BRWD3: variants seen among roughly 807,000 people sequenced by gnomAD.
The protein encoded by BRWD3 is bromodomain and WD repeat domain containing 3, also known as bromodomain and WD repeat-containing protein 3.
BRWD3 carries 10 observed loss-of-function variants against 149.7 expected under a neutral mutation model. The ratio of observed to expected loss-of-function variants is 0.07; its 90% CI spans 0.04 to 0.11. The LOEUF (loss-of-function observed/expected upper bound fraction) is 0.11, where lower values mean the gene tolerates loss of function less well. BRWD3 is among the 10% of genes least tolerant of loss of function. The probability of loss-of-function intolerance (pLI) is 1.00; values close to 1 mark genes in which losing one functional copy is unlikely to be tolerated. For synonymous variants in BRWD3, 504 were observed against 456.7 expected, an observed-to-expected ratio of 1.10 and a Z score of -1.32; for missense variants, 940 against 1,373.2, an observed-to-expected ratio of 0.68 and a Z score of 4.99.
chrX:80,714,250 G>A (rs1027841482), intron 20 of BRWD3, among the ~76,000 whole-genome samples: 5 of 83,197 alleles, frequency 6.0e-5, no homozygotes, highest in Admixed American at 6.0e-4. Context: ...TTTTTGAGAC[G>A]GAGTTTCACT....
chrX:80,693,714 C>CA (rs2072642931), intron 27 of BRWD3, among the ~76,000 whole-genome samples: 1 of 111,774 alleles, frequency 8.9e-6, no homozygotes, highest in South Asian at 3.7e-4. Context: ...TGGCAGAAGA[C>CA]ATTTCTAAGC....
At chrX:80,788,827 T>C (rs1169885521) in intron 6 of BRWD3, among the ~76,000 whole-genome samples, 1 of 112,042 alleles carries the variant, frequency 8.9e-6, no homozygotes, top group Non-Finnish European at 1.9e-5. Context: ...CTGGTCTAAG[T>C]GAAATCAGAC....
At chrX:80,781,163 CT>C (rs200214471) in intron 6 of BRWD3, among the ~76,000 whole-genome samples, 5 of 110,093 alleles carry the variant, frequency 4.5e-5, no homozygotes, top group African/African-American at 6.6e-5. Flanking sequence ...AAACAAAATT[CT>C]TTTTTTTTGA....
chrX:80,806,334 G>T (rs1168249897), intron 4 of BRWD3, among the ~76,000 whole-genome samples: 1 of 111,258 alleles, frequency 9.0e-6, no homozygotes, highest in Non-Finnish European at 1.9e-5. Flanking sequence ...TTCCTTAAAG[G>T]TTAAGCCTCA....
chrX:80,809,219 A>G (rs2074383858), intron 2 of BRWD3, 27 bp downstream of exon 2: 8 of 1,186,478 alleles, frequency 6.7e-6, no homozygotes, highest in Non-Finnish European at 9.1e-6. Flanking sequence ...ATTCACCACG[A>G]CTCCCAGATC....
At chrX:80,681,745 T>C (rs1419891948) in intron 39 of BRWD3, among the ~76,000 whole-genome samples, 1 of 111,773 alleles carries the variant, frequency 8.9e-6, no homozygotes, top group African/African-American at 3.2e-5. Context: ...CTCTGAGATA[T>C]TATAGGCATC....
chrX:80,798,369 A>C (rs1212441903), intron 4 of BRWD3, among the ~76,000 whole-genome samples: 1 of 110,673 alleles, frequency 9.0e-6, no homozygotes, highest in African/African-American at 3.3e-5. Context: ...GATCTTTTCA[A>C]AATAAGAACT....
rs2072924132 is a variant in BRWD3 at position 80,709,418 on chromosome X, T to C, written c.2475+10A>G. The C allele has an allele frequency of 4.2e-6, 5 of 1,195,395 alleles. No homozygotes were observed. The highest frequency in any genetic ancestry group is 3.5e-5 in the African/African-American group (2 of 56,815). On this transcript the variant is annotated intron_variant, in intron 21 of 40. Coordinates refer to ENST00000373275, the MANE Select transcript of BRWD3 (RefSeq NM_153252.5). ...AAACTACATCAAATAAATAATAGTATATATATAACCTCTGAAGAACTGTCT... is the reference window on the plus strand; with the variant it reads ...AAACTACATCAAATAAATAATAGTACATATATAACCTCTGAAGAACTGTCT...
chrX:80,726,125 A>G (rs142026032), intron 14 of BRWD3, among the ~76,000 whole-genome samples: 14 of 109,518 alleles, frequency 1.3e-4, no homozygotes, highest in African/African-American at 4.3e-4. Flanking sequence ...ATAACATATA[A>G]CACGTTTACA....
intron 8 of BRWD3, 22 bp downstream of exon 8, chrX:80,744,010 T>G: frequency 5.1e-6 from 6 of 1,170,535 alleles, no homozygotes; most frequent in Non-Finnish European, 5.8e-6. Context: ...ATGTTCAAGC[T>G]AAATTTTATC....
chrX:80,681,589 T>C (rs1354718580), intron 39 of BRWD3, 90 bp from the exon 40 acceptor site: 3 of 690,041 alleles, frequency 4.3e-6, no homozygotes, highest in Non-Finnish European at 6.6e-6. Context: ...ATCTCTGTTA[T>C]TTTATTCTAA....
chrX:80,772,627 AT>A (rs1484985035), intron 6 of BRWD3, among the ~76,000 whole-genome samples: 23 of 111,477 alleles, frequency 2.1e-4, no homozygotes, highest in African/African-American at 6.5e-4. Context: ...TTAAAAAAAA[AT>A]AAATGATCCT....
At chrX:80,707,635 ATAATTATTGTTC>A (rs1373557799) in intron 21 of BRWD3, 132 bp from the exon 22 acceptor site, 1 of 567,043 alleles carries the variant, frequency 1.8e-6, no homozygotes, top group African/African-American at 2.3e-5. Context: ...TAAAACGCAC[ATAATTATTGTTC>A]TAAGTATATC....
Position 80,793,628 on chromosome X carries a change from C to T in BRWD3, c.325G>A (p.Ala109Thr). The change falls in exon 5 of 41, where the codon GCC becomes ACC. Residue 109 changes from alanine (A) to threonine (T), a missense_variant. Physicochemically the swap from Ala to Thr is moderately conservative, Grantham distance 58 (BLOSUM62 0). This residue lies in a region of BRWD3 where 105 missense variants were observed against 127.7 expected (regional missense o/e 0.82). Transcript: ENST00000373275. ...TAAATTCTGAAAATCTCACCTTTGG[C>T]ATCCCGTAGCAGAGACTGCCGACCA... ...GVGRQSLLRD[A>T]KDCKSTLWNG... 3 of 1,210,066 alleles carry T rather than the reference C, an allele frequency of 2.5e-6. No homozygotes were observed. Among genetic ancestry groups the T allele is most frequent in the Non-Finnish European group, 3.4e-6 (3 of 894,507 alleles).
At chrX:80,750,982 G>A (rs1241281860) in intron 6 of BRWD3, among the ~76,000 whole-genome samples, 3 of 111,214 alleles carry the variant, frequency 2.7e-5, no homozygotes, top group African/African-American at 9.8e-5. Flanking sequence ...ATTATGCTAA[G>A]TGAAATAAGC....
chrX:80,692,895 T>C, intron 28 of BRWD3, 45 bp downstream of exon 28: 1 of 1,023,953 alleles, frequency 9.8e-7, no homozygotes, highest in Non-Finnish European at 1.4e-6. Context: ...GTCCACATAC[T>C]ACTACAATGT....
intron 4 of BRWD3, among the ~76,000 whole-genome samples, chrX:80,808,064 C>T (rs1218476978): frequency 5.0e-4 from 39 of 78,621 alleles, no homozygotes; most frequent in Admixed American, 4.7e-4. Flanking sequence ...TCCCCCCTGC[C>T]CCCCCGCCCC....
At chrX:80,791,234 G>C (rs899897758) in intron 6 of BRWD3, among the ~76,000 whole-genome samples, 1 of 111,645 alleles carries the variant, frequency 9.0e-6, no homozygotes, top group African/African-American at 3.2e-5. Flanking sequence ...TAATTTTTTA[G>C]AAGAGCGAGA....
chrX:80,724,972 G>A lies in BRWD3; in HGVS notation c.1482C>T (p.Asp494=), dbSNP rs749954356. The change falls in exon 15 of 41, where the codon GAC becomes GAT. Residue 494 remains aspartate, a synonymous_variant. Coordinates refer to ENST00000373275, the MANE Select transcript of BRWD3 (RefSeq NM_153252.5). ...TCCGAATTTTGGTCCCCCGGTCAAG[G>A]TCCCAAATAAAAATGTTCCCATCAT... ...AGHDGNIFIW[D]LDRGTKIRNY... is the part of the protein sequence containing the mutation. The A allele has an allele frequency of 8.3e-6, 10 of 1,208,320 alleles. No homozygotes were observed. Among genetic ancestry groups the A allele is most frequent in the Non-Finnish European group, 1.0e-5 (9 of 894,166 alleles).
Sources: gnomAD v4.1 joint callset for allele counts (sites outside exome capture counted in the v4.1 genomes callset) on GRCh38, gnomAD v4.1.1 for gene constraint, gnomAD v4.1.1 regional missense constraint, MANE v1.5 for transcripts, NCBI Gene and HGNC (gene_info 2026-07-23, HGNC 2026-07-21) for gene names.